Variants in HMCN1 observed in about 807,000 individuals in gnomAD.
HMCN1 encodes the protein hemicentin 1.
Under a neutral mutation model 625.9 loss-of-function variants are expected in HMCN1, and 321 were observed. The observed-to-expected ratio is 0.51, with a 90% CI of 0.47 to 0.56. HMCN1 has a LOEUF of 0.56. Among genes scored for constraint, HMCN1 ranks in the 20% least tolerant of loss-of-function variants. HMCN1 has a pLI of 0.00. For synonymous variants in HMCN1, 2,425 were observed against 2,417.6 expected (o/e 1.00, Z -0.09); for missense variants, 6,588 against 6,887.3 (o/e 0.96, Z 1.54).
chr1:185,926,607 G>T (rs962369681), intron 9 of HMCN1, among the ~76,000 whole-genome samples: 12 of 152,096 alleles, frequency 7.9e-5, no homozygotes, highest in African/African-American at 1.7e-4. Context: ...CATTTTTCCA[G>T]CTCTGTGGCC....
rs903275348 is a variant in HMCN1, at chr1:185,902,405, C to CTATCTCTATCTATCTA, written c.622-6931_622-6930insATCTCTATCTATCTAT. On this transcript the variant is annotated intron_variant, in intron 4 of 106. Coordinates refer to ENST00000271588, the MANE Select transcript of HMCN1 (RefSeq NM_031935.3). ...TCTATCTATCTATCTATCTATCTAT[C>CTATCTCTATCTATCTA]TCTATCTATCTATCTATCTATCTAT... Among the ~76,000 whole-genome samples, 64 of 145,448 alleles carry CTATCTCTATCTATCTA rather than the reference C, an allele frequency of 4.4e-4. 1 individual carries two copies. Among genetic ancestry groups the CTATCTCTATCTATCTA allele is most frequent in the African/African-American group, 1.5e-3 (58 of 38,596 alleles).
At chr1:186,048,864 C>G in intron 42 of HMCN1, 25 bp downstream of exon 42, 2 of 1,359,664 alleles carry the variant, frequency 1.5e-6, no homozygotes, top group Non-Finnish European at 2.1e-6. Context: ...CTCTTGAAAG[C>G]AAATAATGCA....
intron 1 of HMCN1, among the ~76,000 whole-genome samples, chr1:185,813,610 CTT>C (rs746691536): frequency 1.3e-5 from 2 of 152,056 alleles, no homozygotes; most frequent in South Asian, 2.1e-4. Flanking sequence ...AACATGGCCT[CTT>C]TATAGAGGGT....
Position 186,189,513 on chromosome 1 carries a change from T to C in HMCN1, c.16543T>C (p.Phe5515Leu), listed in dbSNP as rs762228009. 1.2e-6 allele frequency: 2 copies of C among 1,612,938 alleles called. No homozygotes were observed. Among genetic ancestry groups the C allele is most frequent in the African/African-American group, 1.3e-5 (1 of 74,896 alleles). ...ATTTGATATGTTTGTTGTCCTTAGG[T>C]TCTGCCTCAAGAACTGTCCACCCAA... ...PNYQRDPVSG[F>L]CLKNCPPNDL... is the part of the protein sequence containing the mutation. The change falls in exon 107 of 107, where the codon TTC becomes CTC. Residue 5515 changes from phenylalanine (F) to leucine (L), a missense_variant and splice_region_variant. Transcript: ENST00000271588.
intron 11 of HMCN1, among the ~76,000 whole-genome samples, chr1:185,951,053 G>A (rs1171277917): frequency 3.3e-5 from 5 of 151,446 alleles, no homozygotes; most frequent in African/African-American, 1.2e-4. Context: ...GGTGTCGAGT[G>A]GGGTAAGGGT....
intron 105 of HMCN1, among the ~76,000 whole-genome samples, chr1:186,182,838 G>C (rs1191552187): frequency 6.6e-6 from 1 of 152,138 alleles, no homozygotes; most frequent in Non-Finnish European, 1.5e-5. Context: ...CAGTCTAGTG[G>C]AGACAGACAT....
chr1:186,085,305 G>A (rs1448810979), intron 57 of HMCN1, among the ~76,000 whole-genome samples: 3 of 152,078 alleles, frequency 2.0e-5, no homozygotes, highest in African/African-American at 7.2e-5. Context: ...AGTTCTGGTG[G>A]CCGGAAAGTC....
chr1:185,996,536 A>G (rs1435014133), intron 24 of HMCN1, among the ~76,000 whole-genome samples: 1 of 152,124 alleles, frequency 6.6e-6, no homozygotes, highest in African/African-American at 2.4e-5. Flanking sequence ...ATCGTTGGGA[A>G]AGTGATGTGG....
At chr1:186,100,887 A>G (rs896425464) in intron 68 of HMCN1, among the ~76,000 whole-genome samples, 1 of 152,152 alleles carries the variant, frequency 6.6e-6, no homozygotes, top group African/African-American at 2.4e-5. Context: ...GCATAACTAG[A>G]TGCTGTTCTA....
intron 1 of HMCN1, among the ~76,000 whole-genome samples, chr1:185,844,538 C>G (rs1661690753): frequency 6.6e-6 from 1 of 152,134 alleles, no homozygotes; most frequent in African/African-American, 2.4e-5. Context: ...GAGTTATAAG[C>G]TCTTTTTGAG....
chr1:185,982,441 CTTTTTTT>C, intron 18 of HMCN1, 52 bp downstream of exon 18: 7 of 1,227,432 alleles, frequency 5.7e-6, no homozygotes, highest in South Asian at 2.7e-5. Context: ...GTTTTCTTTT[CTTTTTTT>C]TTTTTTTTCT....
chr1:186,172,208 G>A (rs1440932369), intron 102 of HMCN1, 77 bp downstream of exon 102: 4 of 1,563,480 alleles, frequency 2.6e-6, no homozygotes, highest in Non-Finnish European at 3.5e-6. Flanking sequence ...TTTAAAAGAA[G>A]TGATTAGAGT....
chr1:186,158,811 C>A (rs1006237470), intron 97 of HMCN1, among the ~76,000 whole-genome samples: 1 of 152,006 alleles, frequency 6.6e-6, no homozygotes, highest in Admixed American at 6.5e-5. Flanking sequence ...GTTTTGGTAC[C>A]AGTACCATGC....
At chr1:185,859,045 GT>G (rs1558020509) in intron 2 of HMCN1, among the ~76,000 whole-genome samples, 2 of 150,180 alleles carry the variant, frequency 1.3e-5, no homozygotes, top group East Asian at 3.9e-4. Context: ...GTGTGTGTGT[GT>G]GTGTGTGTGT....
At chr1:185,824,673 A>G (rs183193698) in intron 1 of HMCN1, among the ~76,000 whole-genome samples, 71 of 152,260 alleles carry the variant, frequency 4.7e-4, no homozygotes, top group African/African-American at 1.5e-3. Context: ...TATATGTATT[A>G]CTTTACATAC....
chr1:185,798,002 GTTTTATACTTTT>G lies in HMCN1; in HGVS notation c.269-48023_269-48012del, dbSNP rs1441729584. On this transcript the variant is annotated intron_variant, in intron 1 of 106. Coordinates refer to ENST00000271588, the MANE Select transcript of HMCN1 (RefSeq NM_031935.3). ...AAAAAAAAAAAAAAAAAAAAGACTTGTTTTATACTTTTATGTTCTTTTTATAATGGTGGGTAT... is the reference window on the plus strand; with the variant it reads ...AAAAAAAAAAAAAAAAAAAAGACTTGATGTTCTTTTTATAATGGTGGGTAT... Among the ~76,000 whole-genome samples the G allele has an allele frequency of 9.8e-4, 120 of 122,082 alleles. No homozygotes were observed. The East Asian group carries it at 0.029, about 29-fold the overall frequency. 80.1% of individuals were successfully genotyped at this position (122,082 alleles called of 152,430 possible). A position where few individuals can be genotyped will look rare whatever the true frequency, so the allele number is the denominator to read the frequency against.
chr1:185,774,793 G>A (rs1174116025), intron 1 of HMCN1, among the ~76,000 whole-genome samples: 1 of 152,148 alleles, frequency 6.6e-6, no homozygotes, highest in Non-Finnish European at 1.5e-5. Flanking sequence ...CACATTGTCA[G>A]TAGAAATACA....
intron 65 of HMCN1, 73 bp from the exon 66 acceptor site, chr1:186,093,413 T>A (rs941303965): frequency 1.5e-5 from 24 of 1,584,118 alleles, no homozygotes; most frequent in Non-Finnish European, 2.1e-5. Flanking sequence ...AGAGCAATTG[T>A]AGTAGAAATT....
At chr1:186,099,869 A>G (rs1050091782) in intron 68 of HMCN1, among the ~76,000 whole-genome samples, 3 of 152,198 alleles carry the variant, frequency 2.0e-5, no homozygotes, top group African/African-American at 2.4e-5. Context: ...AACTATGCAA[A>G]GCTCTGAGAA....
Sources: allele counts gnomAD v4.1 joint callset (sites outside exome capture counted in the v4.1 genomes callset), GRCh38; gene constraint gnomAD v4.1.1; transcripts MANE v1.5; gene names NCBI Gene and HGNC (gene_info 2026-07-23, HGNC 2026-07-21).